The following WWC1 variants were observed in gnomAD, a reference collection of about 807,000 sequenced individuals.
WWC1 encodes the protein protein KIBRA.
Under a neutral mutation model 138.4 loss-of-function variants are expected in WWC1, and 55 were observed. The observed-to-expected ratio is 0.40, with a 90% CI of 0.32 to 0.50. The LOEUF is 0.50. Ranked by LOEUF, WWC1 falls within the 20% of genes least tolerant of loss-of-function variation. The pLI is 0.72. For missense variants in WWC1, 1,226 were observed against 1,420.4 expected (o/e 0.86, Z 2.20); for synonymous variants, 524 against 564.9 (o/e 0.93, Z 1.03).
chr5:168,364,403 C>T (rs1241636657), intron 1 of WWC1, among the ~76,000 whole-genome samples: 1 of 152,172 alleles, frequency 6.6e-6, no homozygotes, highest in Non-Finnish European at 1.5e-5. Flanking sequence ...TGACGTAGCA[C>T]CTTATTAAAT....
intron 1 of WWC1, among the ~76,000 whole-genome samples, chr5:168,360,679 C>G (rs1298919647): frequency 6.6e-6 from 1 of 152,242 alleles, no homozygotes; most frequent in African/African-American, 2.4e-5. Flanking sequence ...AGGGCATCGT[C>G]AGGCTTCAAA....
chr5:168,386,377 CT>C (rs59691686), intron 3 of WWC1, among the ~76,000 whole-genome samples: 81 of 143,930 alleles, frequency 5.6e-4, no homozygotes, highest in Middle Eastern at 3.7e-3. Flanking sequence ...TCCCCTTGTT[CT>C]TTTTTTTTTT....
At chr5:168,446,881 G>A (rs867483693) in intron 17 of WWC1, among the ~76,000 whole-genome samples, 2 of 152,198 alleles carry the variant, frequency 1.3e-5, no homozygotes, top group Non-Finnish European at 2.9e-5. Context: ...GTAGGAAATG[G>A]CCACAGCCTA....
At chr5:168,388,612 T>C (rs11740451) in intron 3 of WWC1, among the ~76,000 whole-genome samples, 3 of 152,120 alleles carry the variant, frequency 2.0e-5, no homozygotes, top group East Asian at 1.9e-4. Context: ...GGTGGATCAA[T>C]TGAGGTCAGG....
chr5:168,372,053 T>TTGTGTGTGTGTG (rs10595228), intron 2 of WWC1, among the ~76,000 whole-genome samples: 6,464 of 141,260 alleles, frequency 0.046, 215 homozygotes, highest in Non-Finnish European at 0.073. Flanking sequence ...AAGAGTGTGT[T>TTGTGTGTGTGTG]TGTGTGTGTG....
At chr5:168,360,253 A>G (rs1775785742) in intron 1 of WWC1, among the ~76,000 whole-genome samples, 1 of 152,226 alleles carries the variant, frequency 6.6e-6, no homozygotes, top group Admixed American at 6.5e-5. Flanking sequence ...GTTTCAGAAA[A>G]TGCTGAATGT....
In WWC1 at chr5:168,424,045, C is replaced by T. The variant is rs202122966; in HGVS notation, c.1787C>T (p.Thr596Met). The change falls in exon 11 of 23, where the codon ACG (threonine) becomes ATG (methionine). Residue 596 changes from threonine (T) to methionine (M), a missense_variant. By Grantham distance (81) the Thr-to-Met change is moderately conservative. This residue lies in a region of WWC1 where 1,016 missense variants were observed against 1,153.9 expected (regional missense o/e 0.88). Transcript: ENST00000265293. ...AGATACCGGCTGGAGGAACCAGGAA[C>T]GGAGGGCAAGCAGCTGGGCCAAGGT... is the stretch of plus-strand genomic sequence containing the variant. ...QERYRLEEPG[T>M]EGKQLGQAVN... 74 of 1,605,984 alleles carry T rather than the reference C, an allele frequency of 4.6e-5. No individual in the cohort carries two copies. The highest frequency in any genetic ancestry group is 3.1e-4 in the African/African-American group (23 of 74,900).
chr5:168,317,089 C>T (rs10074738), intron 1 of WWC1, among the ~76,000 whole-genome samples: 2,793 of 152,276 alleles, frequency 0.018, 90 homozygotes, highest in African/African-American at 0.063. Flanking sequence ...TACATTTTCA[C>T]TTGTCCTCAC....
At chr5:168,453,358 G>A (rs1310684024) in intron 17 of WWC1, among the ~76,000 whole-genome samples, 2 of 152,152 alleles carry the variant, frequency 1.3e-5, no homozygotes, top group African/African-American at 4.8e-5. Context: ...TGAAACTCTA[G>A]AAAAGTCAAA....
At chr5:168,440,943 C>T (rs927744188) in intron 15 of WWC1, among the ~76,000 whole-genome samples, 2 of 152,066 alleles carry the variant, frequency 1.3e-5, no homozygotes, top group South Asian at 2.1e-4. Context: ...ATGTAGCATA[C>T]CCATACAGTG....
intron 1 of WWC1, among the ~76,000 whole-genome samples, chr5:168,346,777 A>T (rs1329502531): frequency 6.6e-6 from 1 of 152,088 alleles, no homozygotes; most frequent in Non-Finnish European, 1.5e-5. Flanking sequence ...TGATTGACAG[A>T]CATGTCTTAT....
chr5:168,441,799 G>A lies in WWC1; in HGVS notation c.2398G>A (p.Gly800Arg). Residue 800 changes from glycine to arginine, a missense_variant, in exon 16 of 23, where the codon GGA becomes AGA. By Grantham distance (125) the Gly-to-Arg change is moderately radical. Coordinates refer to ENST00000265293, the MANE Select transcript of WWC1 (RefSeq NM_015238.3). ...KKQSRELKPV[G>R]VMAPASGPAS... ...ACAGAGCAGGGAGCTCAAGCCAGTG[G>A]GAGTCATGGCCCCTGCCTCAGGGCC... 3 of 1,614,136 alleles carry A rather than the reference G, an allele frequency of 1.9e-6. No individual in the cohort carries two copies. Among genetic ancestry groups the A allele is most frequent in the Non-Finnish European group, 2.5e-6 (3 of 1,180,030 alleles).
chr5:168,436,593 A>G lies in WWC1; in HGVS notation c.2281-5089A>G, dbSNP rs914601503. ...ACGTAAAATAGGACCTCAAACGAACATGGCCACAAGAATGCCCCTGACCTT... is the reference window on the plus strand; with the variant it reads ...ACGTAAAATAGGACCTCAAACGAACGTGGCCACAAGAATGCCCCTGACCTT... On this transcript the variant is annotated intron_variant, in intron 15 of 22. Transcript: ENST00000265293. 1.5e-4 allele frequency among the ~76,000 whole-genome samples: 23 copies of G among 152,288 alleles called. 1 individual carries two copies. The highest frequency in any genetic ancestry group is 5.3e-4 in the African/African-American group (22 of 41,556).
intron 1 of WWC1, among the ~76,000 whole-genome samples, chr5:168,363,524 C>CA (rs386405611): frequency 0.025 from 1,663 of 65,694 alleles, 155 homozygotes; most frequent in African/African-American, 0.053. Context: ...GACTCTGTCT[C>CA]AAAAAAAAAA....
chr5:168,464,754 C>G lies in WWC1; in HGVS notation c.2942C>G (p.Ser981Cys), dbSNP rs1757114016. Reference protein sequence around the residue: ...KRPSSVKSLRSERLIRTSLDL... With the variant: ...KRPSSVKSLRCERLIRTSLDL... ...CCTTCCTCGGTCAAGTCGCTGCGCT[C>G]CGAGCGTCTGATCCGTACCTCGCTG... Residue 981 changes from serine to cysteine, a missense_variant, in exon 21 of 23, where the codon TCC (serine) becomes TGC (cysteine). Ser to Cys is a moderately radical substitution (Grantham distance 112). Coordinates refer to ENST00000265293, the MANE Select transcript of WWC1 (RefSeq NM_015238.3). 3 of 1,614,084 alleles carry G rather than the reference C, an allele frequency of 1.9e-6. No individual in the cohort carries two copies. The highest frequency in any genetic ancestry group is 2.5e-6 in the Non-Finnish European group (3 of 1,180,054).
In WWC1 at chr5:168,367,863, TA is replaced by T. The variant is rs962118740; in HGVS notation, c.120-3552del. Among the ~76,000 whole-genome samples, 909 of 150,680 alleles carry T rather than the reference TA, an allele frequency of 6.0e-3. 13 individuals are homozygous for T. The highest frequency in any genetic ancestry group is 0.02 in the African/African-American group (838 of 41,090). On this transcript the variant is annotated intron_variant, in intron 1 of 22. Coordinates refer to ENST00000265293, the MANE Select transcript of WWC1 (RefSeq NM_015238.3). ...TATATGAACACAACAAATAAATTAATAAAAAAAAAGAAAGAGAAGAAATAAA... is the reference window on the plus strand; with the variant it reads ...TATATGAACACAACAAATAAATTAATAAAAAAAAGAAAGAGAAGAAATAAA...
In WWC1 at chr5:168,472,011, C is replaced by T. The variant is rs533597775; in HGVS notation, c.*2994C>T. On this transcript the variant is annotated 3_prime_UTR_variant, in exon 23 of 23. Coordinates refer to ENST00000265293, the MANE Select transcript of WWC1 (RefSeq NM_015238.3). ...CTCAGTTGTCCCAGCAAGGGTCAGC[C>T]CCTCATACCCCTGCAGCATCCGCTG... is the stretch of plus-strand genomic sequence containing the variant. 6.6e-6 allele frequency: 1 copy of T among 152,336 alleles called. No individual in the cohort carries two copies. The highest frequency in any genetic ancestry group is 6.5e-5 in the Admixed American group (1 of 15,296). 9.4% of individuals were successfully genotyped at this position (152,336 alleles called of 1,614,324 possible). A position where few individuals can be genotyped will look rare whatever the true frequency, so the allele number is the denominator to read the frequency against.
chr5:168,367,010 C>A (rs908621729), intron 1 of WWC1, among the ~76,000 whole-genome samples: 4 of 151,840 alleles, frequency 2.6e-5, no homozygotes, highest in Non-Finnish European at 5.9e-5. Context: ...GTTTGCCAGG[C>A]TGGTCTTGAA....
chr5:168,358,827 C>G (rs144099501), intron 1 of WWC1, among the ~76,000 whole-genome samples: 2 of 152,016 alleles, frequency 1.3e-5, no homozygotes, highest in African/African-American at 4.8e-5. Context: ...TATACGTACA[C>G]ATGTAGGAAC....
Sources: gnomAD v4.1 joint callset for allele counts (sites outside exome capture counted in the v4.1 genomes callset) on GRCh38, gnomAD v4.1.1 for gene constraint, gnomAD v4.1.1 regional missense constraint, MANE v1.5 for transcripts, NCBI Gene and HGNC (gene_info 2026-07-23, HGNC 2026-07-21) for gene names.